UNC5B: variants seen among roughly 807,000 people sequenced by gnomAD.
UNC5B encodes unc-5 netrin receptor B.
A neutral mutation model predicts 103.7 loss-of-function variants in UNC5B; 56 were observed. That is an observed-to-expected ratio of 0.54 (90% CI 0.44 to 0.67). The LOEUF is 0.67. Ranked by LOEUF, UNC5B falls within the 30% of genes least tolerant of loss-of-function variation. UNC5B has a pLI of 0.00. For missense variants in UNC5B, 1,194 were observed against 1,284.5 expected (o/e 0.93, Z 1.08); for synonymous variants, 577 against 542.0 (o/e 1.06, Z -0.90).
At chr10:71,261,677 G>C (rs1368818284) in intron 1 of UNC5B, among the ~76,000 whole-genome samples, 1 of 152,238 alleles carries the variant, frequency 6.6e-6, no homozygotes, top group Admixed American at 6.5e-5. Context: ...GCAGTGAGGA[G>C]TGCAAGATGG....
intron 1 of UNC5B, among the ~76,000 whole-genome samples, chr10:71,270,540 G>T (rs529485032): frequency 1.3e-5 from 2 of 152,164 alleles, no homozygotes; most frequent in Non-Finnish European, 2.9e-5. Context: ...GAGGAAAGTG[G>T]ATTTTAGGGG....
At chr10:71,262,967 GC>G (rs1844444942) in intron 1 of UNC5B, among the ~76,000 whole-genome samples, 1 of 152,240 alleles carries the variant, frequency 6.6e-6, no homozygotes, top group African/African-American at 2.4e-5. Context: ...GAAAAGAGAT[GC>G]CAGACGAAGA....
rs370509511 is a variant in UNC5B at position 71,290,949 on chromosome 10, G to A, written c.1134G>A (p.Ala378=). The A allele has an allele frequency of 6.8e-6, 11 of 1,613,704 alleles. No homozygotes were observed. Among genetic ancestry groups the A allele is most frequent in the African/African-American group, 2.7e-5 (2 of 74,946 alleles). ...LEASGDAALY[A]GLVVAIFVVV... ...CCTCAGGGGATGCGGCGCTGTATGC[G>A]GGGCTCGTGGTGGCCATCTTCGTGG... The change falls in exon 9 of 17, where the codon GCG becomes GCA. Residue 378 remains alanine, a synonymous_variant. Coordinates refer to ENST00000335350, the MANE Select transcript of UNC5B (RefSeq NM_170744.5).
intron 8 of UNC5B, among the ~76,000 whole-genome samples, chr10:71,290,279 C>T (rs1845212083): frequency 6.6e-6 from 1 of 152,130 alleles, no homozygotes; most frequent in Non-Finnish European, 1.5e-5. Flanking sequence ...CTTGAGGCTT[C>T]CCGCCTGGCC....
rs1293515297 is a variant in UNC5B at position 71,213,409 on chromosome 10, C to A, written c.79+345C>A. Reference sequence around the variant, plus strand: ...CTCTCCGCGCGCCTGGCATCCGCCCCGAAAAAGAACATTGGCTACATAAGC... The same window carrying A: ...CTCTCCGCGCGCCTGGCATCCGCCCAGAAAAAGAACATTGGCTACATAAGC... On this transcript the variant is annotated intron_variant, in intron 1 of 16. Coordinates refer to ENST00000335350, the MANE Select transcript of UNC5B (RefSeq NM_170744.5). The surrounding 1 kb of genome is among the most constrained non-coding windows in gnomAD (Gnocchi z 4.1). Among the ~76,000 whole-genome samples the A allele has an allele frequency of 6.6e-6, 1 of 152,074 alleles. No homozygotes were observed. Among genetic ancestry groups the A allele is most frequent in the Non-Finnish European group, 1.5e-5 (1 of 68,014 alleles).
chr10:71,275,426 C>T (rs1844746142), intron 1 of UNC5B, among the ~76,000 whole-genome samples: 1 of 152,210 alleles, frequency 6.6e-6, no homozygotes, highest in African/African-American at 2.4e-5. Context: ...AGACATGGCT[C>T]AAGCCTTGCT....
At chr10:71,225,692 T>C (rs1036042835) in intron 1 of UNC5B, among the ~76,000 whole-genome samples, 3 of 152,230 alleles carry the variant, frequency 2.0e-5, no homozygotes, top group Admixed American at 6.5e-5. Context: ...CTTCTCTGCA[T>C]TTTGTTCCCT....
chr10:71,215,709 G>T (rs1413497685), intron 1 of UNC5B, among the ~76,000 whole-genome samples: 1 of 152,080 alleles, frequency 6.6e-6, no homozygotes. Flanking sequence ...CCTTTCCATG[G>T]CCTCTGGCTG....
chr10:71,215,897 T>C (rs1226032900), intron 1 of UNC5B, among the ~76,000 whole-genome samples: 1 of 152,054 alleles, frequency 6.6e-6, no homozygotes, highest in Non-Finnish European at 1.5e-5. Flanking sequence ...TGTCTCCCTC[T>C]GCACTCACTG....
At chr10:71,298,265 G>T (rs1369505440) in intron 16 of UNC5B, among the ~76,000 whole-genome samples, 175 bp downstream of exon 16, 1 of 152,190 alleles carries the variant, frequency 6.6e-6, no homozygotes, top group Non-Finnish European at 1.5e-5. Context: ...CAAGAATACT[G>T]CTCCCTTGAG....
intron 1 of UNC5B, among the ~76,000 whole-genome samples, chr10:71,227,599 C>CATATATAT (rs1467038686): frequency 0.038 from 5,441 of 142,264 alleles, 500 homozygotes; most frequent in African/African-American, 0.14. Flanking sequence ...ATTTTGTATA[C>CATATATAT]ATACATATAT....
chr10:71,258,632 G>A (rs577712190), intron 1 of UNC5B, among the ~76,000 whole-genome samples: 3 of 152,178 alleles, frequency 2.0e-5, no homozygotes, highest in African/African-American at 4.8e-5. Context: ...GTCCAGAGAG[G>A]GGAAGGGACT....
Position 71,293,485 on chromosome 10 carries a change from T to C in UNC5B, c.1853T>C (p.Val618Ala), listed in dbSNP as rs1332809692. 7 of 1,613,976 alleles carry C rather than the reference T, an allele frequency of 4.3e-6. No individual in the cohort carries two copies. Among genetic ancestry groups the C allele is most frequent in the Non-Finnish European group, 5.1e-6 (6 of 1,180,026 alleles). Reference sequence around the variant, plus strand: ...ACAGGCCTCCTGCTGTGCCGCCCCGTCATCCTCACCATGCCCCACTGTGCC... The same window carrying C: ...ACAGGCCTCCTGCTGTGCCGCCCCGCCATCCTCACCATGCCCCACTGTGCC... ...GPTGLLLCRP[V>A]ILTMPHCAEV... The change falls in exon 12 of 17, where the codon GTC (valine) becomes GCC (alanine). Residue 618 changes from valine (V) to alanine (A), a missense_variant. Val to Ala is a moderately conservative substitution (Grantham distance 64, BLOSUM62 0). Coordinates refer to ENST00000335350, the MANE Select transcript of UNC5B (RefSeq NM_170744.5).
intron 15 of UNC5B, among the ~76,000 whole-genome samples, chr10:71,296,954 GCGGCCAGATATTCCGGCTGCACACCACTC>G (rs1845452027): frequency 8.0e-6 from 1 of 124,822 alleles, no homozygotes; most frequent in Non-Finnish European, 1.7e-5. Context: ...TGAGGGAAGG[GCGGCCAGATATTCCGGCTGCACACCACTC>G]TGGTGGAGGT....
intron 1 of UNC5B, among the ~76,000 whole-genome samples, chr10:71,269,000 C>T (rs533294232): frequency 1.3e-5 from 2 of 152,328 alleles, no homozygotes; most frequent in South Asian, 4.1e-4. Context: ...GGCCCTCACC[C>T]GTCTGACACG....
At chr10:71,298,213 A>G (rs1437428581) in intron 16 of UNC5B, 123 bp downstream of exon 16, 10 of 1,169,684 alleles carry the variant, frequency 8.5e-6, no homozygotes, top group Non-Finnish European at 1.2e-5. Flanking sequence ...TTTTGCCACC[A>G]TTTGTGGCAA....
At chr10:71,227,735 C>CACACACACACAT (rs1156391586) in intron 1 of UNC5B, among the ~76,000 whole-genome samples, 22 of 149,686 alleles carry the variant, frequency 1.5e-4, no homozygotes, top group African/African-American at 5.5e-4. Context: ...CACACACACA[C>CACACACACACAT]ACACACACAC....
At chr10:71,279,531 G>T (rs1465929254) in intron 1 of UNC5B, among the ~76,000 whole-genome samples, 1 of 152,196 alleles carries the variant, frequency 6.6e-6, no homozygotes, top group East Asian at 1.9e-4. Context: ...CCCCTCCCGG[G>T]ACCTCCTTGG....
chr10:71,216,998 G>C (rs1187032832), intron 1 of UNC5B, among the ~76,000 whole-genome samples: 1 of 152,266 alleles, frequency 6.6e-6, no homozygotes, highest in African/African-American at 2.4e-5. Flanking sequence ...AAAGGGCAGA[G>C]GGGGCTGGGT....
Sources: gnomAD v4.1 joint callset for allele counts (sites outside exome capture counted in the v4.1 genomes callset) on GRCh38, gnomAD v4.1.1 for gene constraint, Gnocchi (gnomAD v3.1) non-coding constraint, MANE v1.5 for transcripts, NCBI Gene and HGNC (gene_info 2026-07-23, HGNC 2026-07-21) for gene names.